Variants in TOMM40 observed in about 807,000 individuals in gnomAD.
TOMM40 encodes translocase of outer mitochondrial membrane 40, also known as mitochondrial import receptor subunit TOM40 homolog.
TOMM40 carries 9 observed loss-of-function variants against 38.4 expected under a neutral mutation model. The observed-to-expected ratio is 0.23, with a 90% CI of 0.14 to 0.41. The LOEUF is 0.41. Among genes scored for constraint, TOMM40 ranks in the 10% least tolerant of loss-of-function variants. The pLI is 1.00. For missense variants in TOMM40, 299 were observed against 486.5 expected, an observed-to-expected ratio of 0.61 and a Z score of 3.63; for synonymous variants, 184 against 210.0, an observed-to-expected ratio of 0.88 and a Z score of 1.07.
chr19:44,895,271 A>G (rs1969543984), intron 5 of TOMM40, among the ~76,000 whole-genome samples: 1 of 152,022 alleles, frequency 6.6e-6, no homozygotes. Context: ...CTGCCAGAGG[A>G]GGAGAAGGGG....
In TOMM40 at chr19:44,900,851, A is replaced by T; in HGVS notation, c.765A>T (p.Thr255=). 6.2e-7 allele frequency: 1 copy of T among 1,613,754 alleles called. No individual in the cohort carries two copies. The highest frequency in any genetic ancestry group is 8.5e-7 in the Non-Finnish European group (1 of 1,179,822). The change falls in exon 6 of 9, where the codon ACA becomes ACT. Residue 255 remains threonine, a splice_region_variant and synonymous_variant. Coordinates refer to ENST00000426677, the MANE Select transcript of TOMM40 (RefSeq NM_001128917.2). ...TCATGTCTCTAGCTGGGAAATACAC[A>T]TGTGAGCCTGGCGCCTGGGTCCGAG... is the stretch of plus-strand genomic sequence containing the variant. ...GTVMSLAGKY[T]LNNWLATVTL...
At position 44,892,862 on chromosome 19, in the gene TOMM40, C is replaced by T; in HGVS notation, c.368C>T (p.Thr123Ile). The change falls in exon 3 of 9, where the codon ACA becomes ATA. Residue 123 changes from threonine (T) to isoleucine (I), a missense_variant. Thr to Ile is a moderately conservative substitution (Grantham distance 89). Coordinates refer to ENST00000426677, the MANE Select transcript of TOMM40 (RefSeq NM_001128917.2). ...GTCAACCACACAGTAGCCCTCAGCA[C>T]AATCGGGGAGTCCAACTACCACTTC... ...FQVNHTVALS[T>I]IGESNYHFGV... The T allele has an allele frequency of 6.2e-7, 1 of 1,613,912 alleles. No homozygotes were observed. The highest frequency in any genetic ancestry group is 1.3e-5 in the African/African-American group (1 of 75,032).
chr19:44,899,781 T>C (rs1969642010), intron 5 of TOMM40, among the ~76,000 whole-genome samples: 2 of 145,224 alleles, frequency 1.4e-5, no homozygotes, highest in Admixed American at 7.0e-5. Context: ...GCATGAGCCA[T>C]TGCATCTGGC....
intron 1 of TOMM40, 101 bp from the exon 2 acceptor site, chr19:44,892,292 T>C (rs1230156693): frequency 8.8e-7 from 1 of 1,134,292 alleles, no homozygotes. Context: ...TGTGAGATGT[T>C]CTGCTGTGGG....
Position 44,903,020 on chromosome 19 carries a change from T to C in TOMM40, c.947-10T>C, listed in dbSNP as rs758702999. The C allele has an allele frequency of 1.3e-4, 207 of 1,611,364 alleles. No homozygotes were observed. The highest frequency in any genetic ancestry group is 6.0e-4 in the Admixed American group (36 of 59,682). Reference sequence around the variant, plus strand: ...GCTGGCACGCCTCTCACCTCAGCTCTTCCCTGCAGGCTCTGTGGATAGCAA... The same window carrying C: ...GCTGGCACGCCTCTCACCTCAGCTCCTCCCTGCAGGCTCTGTGGATAGCAA... On this transcript the variant is annotated splice_polypyrimidine_tract_variant and intron_variant, in intron 8 of 8. Coordinates refer to ENST00000426677, the MANE Select transcript of TOMM40 (RefSeq NM_001128917.2).
At chr19:44,896,574 C>G (rs1022794248) in intron 5 of TOMM40, among the ~76,000 whole-genome samples, 1 of 152,184 alleles carries the variant, frequency 6.6e-6, no homozygotes, top group African/African-American at 2.4e-5. Flanking sequence ...AAATCAGTTG[C>G]CCAGGGTGAC....
In TOMM40 at chr19:44,903,046, C is replaced by T. The variant is rs377054949; in HGVS notation, c.963C>T (p.Asn321=). 62 of 1,613,078 alleles carry T rather than the reference C, an allele frequency of 3.8e-5. No individual in the cohort carries two copies. Among genetic ancestry groups the T allele is most frequent in the Non-Finnish European group, 5.2e-5 (61 of 1,179,952 alleles). Residue 321 remains asparagine (N), a synonymous_variant, in exon 9 of 9, where the codon AAC becomes AAT. Coordinates refer to ENST00000426677, the MANE Select transcript of TOMM40 (RefSeq NM_001128917.2). ...NLLFKGSVDS[N]WIVGATLEKK... ...TCCCTGCAGGCTCTGTGGATAGCAA[C>T]TGGATCGTGGGTGCCACGCTGGAGA...
At chr19:44,895,144 A>C (rs111272495) in intron 5 of TOMM40, among the ~76,000 whole-genome samples, 7 of 151,596 alleles carry the variant, frequency 4.6e-5, no homozygotes, top group Admixed American at 4.6e-4. Context: ...TGAGTGAATG[A>C]CTCGTGCAGG....
At chr19:44,900,886 G>A (rs1452369519) in intron 6 of TOMM40, 34 bp downstream of exon 6, 1 of 1,611,520 alleles carries the variant, frequency 6.2e-7, no homozygotes, top group African/African-American at 1.3e-5. Context: ...GGGTGGAGGG[G>A]CTGGGCCCCT....
intron 5 of TOMM40, among the ~76,000 whole-genome samples, chr19:44,896,395 A>G (rs958803787): frequency 1.3e-5 from 2 of 152,178 alleles, no homozygotes; most frequent in Non-Finnish European, 2.9e-5. Flanking sequence ...ACTTGGGCAC[A>G]ATAGAAGCAA....
In TOMM40 at chr19:44,891,679, G is replaced by C; in HGVS notation, c.264G>C (p.Arg88=). The part of the protein sequence containing the change: ...PNPGTFEECH[R]KCKELFPIQM... ...CGGGCACATTCGAGGAGTGCCACCG[G>C]AAGTGCAAGGGTGAGGGGCGAGGGG... is the stretch of plus-strand genomic sequence containing the variant. The change falls in exon 1 of 9, where the codon CGG becomes CGC. Residue 88 remains arginine, a synonymous_variant. Coordinates refer to ENST00000426677, the MANE Select transcript of TOMM40 (RefSeq NM_001128917.2). 1 of 1,477,282 alleles carries C rather than the reference G, an allele frequency of 6.8e-7. No individual in the cohort carries two copies. The highest frequency in any genetic ancestry group is 8.9e-7 in the Non-Finnish European group (1 of 1,118,780). The allele number at this position is 1,477,282 out of a possible 1,614,324, so 91.5% of individuals were successfully genotyped here.
chr19:44,899,213 C>T (rs490243), intron 5 of TOMM40, among the ~76,000 whole-genome samples: 4,696 of 151,850 alleles, frequency 0.031, 234 homozygotes, highest in African/African-American at 0.11. Flanking sequence ...GTGGCGTGAT[C>T]ATAGCTCAGT....
At chr19:44,900,981 A>G in intron 6 of TOMM40, 47 bp from the exon 7 acceptor site, 1 of 1,612,712 alleles carries the variant, frequency 6.2e-7, no homozygotes, top group East Asian at 2.2e-5. Flanking sequence ...CCAGATGCCC[A>G]AATCCCCTTG....
Position 44,903,188 on chromosome 19 carries a change from T to A in TOMM40, c.*19T>A. ...CGGCTGAGCCCTCCTGGCCCCCGCC[T>A]TCCACGCCCTTCCGATTCCACCTCC... On this transcript the variant is annotated 3_prime_UTR_variant, in exon 9 of 9. Transcript: ENST00000426677. 1 of 1,591,622 alleles carries A rather than the reference T, an allele frequency of 6.3e-7. No homozygotes were observed. Among genetic ancestry groups the A allele is most frequent in the Non-Finnish European group, 8.5e-7 (1 of 1,169,902 alleles).
chr19:44,896,068 T>C (rs1969559087), intron 5 of TOMM40, among the ~76,000 whole-genome samples: 1 of 152,208 alleles, frequency 6.6e-6, no homozygotes. Context: ...GGGACTCCAG[T>C]GTCCCTGCTC....
At chr19:44,896,456 C>G (rs554295382) in intron 5 of TOMM40, among the ~76,000 whole-genome samples, 12 of 152,350 alleles carry the variant, frequency 7.9e-5, no homozygotes, top group African/African-American at 2.9e-4. Context: ...TCGGCCTCAG[C>G]ACTGGGCCAC....
intron 5 of TOMM40, among the ~76,000 whole-genome samples, chr19:44,899,301 C>T (rs1484883592): frequency 6.6e-6 from 1 of 151,958 alleles, no homozygotes; most frequent in Non-Finnish European, 1.5e-5. Flanking sequence ...CATGTGCCAT[C>T]ATGCCTGGCT....
At chr19:44,892,584 G>A (rs901103017) in intron 2 of TOMM40, 124 bp downstream of exon 2, 14 of 959,544 alleles carry the variant, frequency 1.5e-5, no homozygotes, top group East Asian at 2.5e-5. Context: ...GAAAAGACTC[G>A]GAGATATAGT....
intron 2 of TOMM40, 36 bp from the exon 3 acceptor site, chr19:44,892,801 T>C: frequency 6.5e-7 from 1 of 1,550,186 alleles, no homozygotes; most frequent in Non-Finnish European, 8.9e-7. Context: ...CAAGCCTATC[T>C]GTCCAGTATC....
Sources: allele counts gnomAD v4.1 joint callset (sites outside exome capture counted in the v4.1 genomes callset), GRCh38; gene constraint gnomAD v4.1.1; transcripts MANE v1.5; gene names NCBI Gene and HGNC (gene_info 2026-07-23, HGNC 2026-07-21).